The following FOXP4 variants were observed in gnomAD, a reference collection of about 807,000 sequenced individuals.
FOXP4 encodes the protein forkhead box protein P4.
In FOXP4, 25 loss-of-function variants were observed where a neutral mutation model predicts 82.6. The observed-to-expected ratio is 0.30, with a 90% CI of 0.22 to 0.42. FOXP4 has a LOEUF of 0.42. FOXP4 is among the 10% of genes least tolerant of loss of function. FOXP4 has a pLI of 1.00. For missense variants in FOXP4, 785 were observed against 900.9 expected (o/e 0.87, Z 1.65); for synonymous variants, 415 against 388.2 (o/e 1.07, Z -0.81).
At chr6:41,553,340 G>C (rs1764102851) in intron 1 of FOXP4, among the ~76,000 whole-genome samples, 1 of 152,154 alleles carries the variant, frequency 6.6e-6, no homozygotes, top group Admixed American at 6.5e-5. Context: ...AGAGCTCCGC[G>C]AGGTGAGGCG....
rs912060304 is a variant in FOXP4 at position 41,591,340 on chromosome 6, C to G, written c.1536+18C>G. 2 of 1,571,120 alleles carry G rather than the reference C, an allele frequency of 1.3e-6. No homozygotes were observed. The highest frequency in any genetic ancestry group is 4.6e-5 in the East Asian group (2 of 43,538). ...CCTGGAAGGTGAAGCAGGCCCCTTC[C>G]ACCTTCTGGGCCCCAGTCACCCTTG... is the stretch of plus-strand genomic sequence containing the variant. On this transcript the variant is annotated intron_variant, in intron 13 of 16. Transcript: ENST00000307972. This position sits in a 1 kb window ranked among gnomAD's most constrained non-coding sequence, Gnocchi z 4.2.
At chr6:41,587,755 A>G (rs1397953522) in intron 7 of FOXP4, 38 bp from the exon 8 acceptor site, 5 of 1,404,052 alleles carry the variant, frequency 3.6e-6, no homozygotes, top group Non-Finnish European at 4.9e-6. Flanking sequence ...TGGGGTCTTC[A>G]GGGTCCCTGA....
Position 41,599,390 on chromosome 6 carries a change from C to T in FOXP4, c.*454C>T, listed in dbSNP as rs9471607. The T allele has an allele frequency of 0.077, 12,218 of 159,290 alleles. 548 individuals carry two copies. The highest frequency in any genetic ancestry group is 0.097 in the Non-Finnish European group (6,977 of 71,618). The allele number at this position is 159,290 out of a possible 1,614,324, so 9.9% of individuals were successfully genotyped here. A position where few individuals can be genotyped will look rare whatever the true frequency, so the allele number is the denominator to read the frequency against. ...GCCCCCACTTTCCTAACTCGTGCTCCCTTCCGCCTTCTTTTCCGTACTGTG... is the reference window on the plus strand; with the variant it reads ...GCCCCCACTTTCCTAACTCGTGCTCTCTTCCGCCTTCTTTTCCGTACTGTG... On this transcript the variant is annotated 3_prime_UTR_variant, in exon 17 of 17. Coordinates refer to ENST00000307972, the MANE Select transcript of FOXP4 (RefSeq NM_001012426.2).
At chr6:41,577,579 C>T (rs951214345) in intron 2 of FOXP4, among the ~76,000 whole-genome samples, 2 of 152,192 alleles carry the variant, frequency 1.3e-5, no homozygotes, top group Non-Finnish European at 2.9e-5. Flanking sequence ...ACCTTACAGC[C>T]TTACAGAGGA....
intron 1 of FOXP4, among the ~76,000 whole-genome samples, chr6:41,556,058 G>C (rs554189091): frequency 6.6e-5 from 10 of 152,242 alleles, no homozygotes; most frequent in East Asian, 1.9e-4. Context: ...CCAGTAAAAG[G>C]TAAGGTGGAG....
At chr6:41,585,351 C>G in intron 4 of FOXP4, 80 bp from the exon 5 acceptor site, 1 of 1,421,372 alleles carries the variant, frequency 7.0e-7, no homozygotes, top group African/African-American at 1.4e-5. Flanking sequence ...TCTCCTGCCC[C>G]CAGGAGCCCA....
At chr6:41,561,305 C>T (rs1764565424) in intron 1 of FOXP4, among the ~76,000 whole-genome samples, 1 of 144,160 alleles carries the variant, frequency 6.9e-6, no homozygotes, top group Non-Finnish European at 1.5e-5. Flanking sequence ...CAAAATAACT[C>T]GGCCTCCGGT....
At chr6:41,555,998 T>C (rs1322766474) in intron 1 of FOXP4, among the ~76,000 whole-genome samples, 2 of 152,006 alleles carry the variant, frequency 1.3e-5, no homozygotes, top group Non-Finnish European at 2.9e-5. Context: ...GGAAGGGGTA[T>C]TGAGGGAGGC....
intron 3 of FOXP4, among the ~76,000 whole-genome samples, chr6:41,579,424 T>C (rs1187661425): frequency 6.6e-6 from 1 of 152,122 alleles, no homozygotes; most frequent in Non-Finnish European, 1.5e-5. Flanking sequence ...GGGCTTCCAC[T>C]CTGAATCCTG....
chr6:41,591,542 G>T lies in FOXP4; in HGVS notation c.1536+220G>T, dbSNP rs1766512842. Among the ~76,000 whole-genome samples the T allele has an allele frequency of 6.6e-6, 1 of 152,200 alleles. No homozygotes were observed. The highest frequency in any genetic ancestry group is 1.5e-5 in the Non-Finnish European group (1 of 68,038). On this transcript the variant is annotated intron_variant, in intron 13 of 16. Coordinates refer to ENST00000307972, the MANE Select transcript of FOXP4 (RefSeq NM_001012426.2). The surrounding 1 kb of genome is among the most constrained non-coding windows in gnomAD (Gnocchi z 4.2). ...GATCCCTTCCTTCCAGCCTGGTGCT[G>T]CCTCCTTTCTGGGAAGCAATCCTTC...
In FOXP4 at chr6:41,558,741, A is replaced by G. The variant is rs1349641929; in HGVS notation, c.-16-7004A>G. Among the ~76,000 whole-genome samples the G allele has an allele frequency of 6.6e-6, 1 of 152,194 alleles. No individual in the cohort carries two copies. The stretch of plus-strand genomic sequence containing the variant: ...CAGAAGCCAGTGGGCCTCTGGGGCC[A>G]GGGCTGAATGGGGGAGGCTGGTCCC... On this transcript the variant is annotated intron_variant, in intron 1 of 16. Transcript: ENST00000307972. This position sits in a 1 kb window ranked among gnomAD's most constrained non-coding sequence, Gnocchi z 4.0.
chr6:41,565,313 T>G (rs1408068716), intron 1 of FOXP4, among the ~76,000 whole-genome samples: 2 of 152,134 alleles, frequency 1.3e-5, no homozygotes, highest in Non-Finnish European at 2.9e-5. Flanking sequence ...TGAGCCGAGA[T>G]CGCACCACTG....
rs1428169378 is a variant in FOXP4, at chr6:41,598,873, C to T, written c.1980C>T (p.Ser660=). ...PGPPLGAPNP[S]ASGPPEDRDL... ...CTCCCCTGGGCGCCCCTAACCCCAG[C>T]GCCTCGGGGCCTCCGGAAGACAGGG... Residue 660 remains serine (S), a synonymous_variant, in exon 17 of 17, where the codon AGC becomes AGT. Transcript: ENST00000307972. 5.0e-6 allele frequency: 8 copies of T among 1,600,774 alleles called. No individual in the cohort carries two copies. Among genetic ancestry groups the T allele is most frequent in the South Asian group, 1.1e-5 (1 of 88,192 alleles).
chr6:41,590,042 A>C lies in FOXP4; in HGVS notation c.1229A>C (p.His410Pro). Residue 410 changes from histidine (H) to proline (P), a missense_variant, in exon 11 of 17, where the codon CAC becomes CCC. By Grantham distance (77) the His-to-Pro change is moderately conservative. This residue lies in a region of FOXP4 where 570 missense variants were observed against 634.0 expected (regional missense o/e 0.90). Transcript: ENST00000307972. Reference sequence around the variant, plus strand: ...GACTCATTCCCAGATGGTCTCGTGCACCCCCCGACCTCGGCCGCAGCCCCT... The same window carrying C: ...GACTCATTCCCAGATGGTCTCGTGCCCCCCCCGACCTCGGCCGCAGCCCCT... ...AADSFPDGLV[H>P]PPTSAAAPVT... is the part of the protein sequence containing the mutation. The C allele has an allele frequency of 6.2e-7, 1 of 1,613,320 alleles. No individual in the cohort carries two copies. The highest frequency in any genetic ancestry group is 8.5e-7 in the Non-Finnish European group (1 of 1,179,894).
chr6:41,566,202 G>A (rs55856519), intron 2 of FOXP4, among the ~76,000 whole-genome samples: 13,414 of 152,222 alleles, frequency 0.088, 738 homozygotes, highest in South Asian at 0.26. Context: ...CTGAGATCAT[G>A]AAGCTTGAAA....
intron 1 of FOXP4, among the ~76,000 whole-genome samples, chr6:41,553,369 G>T (rs1764104359): frequency 6.6e-6 from 1 of 152,174 alleles, no homozygotes; most frequent in Non-Finnish European, 1.5e-5. Context: ...CTTGGCCCTT[G>T]TGTGCCGCCA....
At chr6:41,550,580 C>T (rs1466505189) in intron 1 of FOXP4, among the ~76,000 whole-genome samples, 7 of 152,228 alleles carry the variant, frequency 4.6e-5, no homozygotes, top group African/African-American at 7.2e-5. Context: ...AGGGCTTGAG[C>T]GTGTGCTGTG....
At chr6:41,569,453 C>T (rs1765061240) in intron 2 of FOXP4, among the ~76,000 whole-genome samples, 1 of 152,236 alleles carries the variant, frequency 6.6e-6, no homozygotes, top group Non-Finnish European at 1.5e-5. Flanking sequence ...TTATTCTAAT[C>T]TGATTTCACT....
chr6:41,557,518 A>T (rs1162673014), intron 1 of FOXP4, among the ~76,000 whole-genome samples: 1 of 152,232 alleles, frequency 6.6e-6, no homozygotes, highest in East Asian at 1.9e-4. Context: ...GGATTGGCTC[A>T]ATACATTCTG....
Sources: gnomAD v4.1 joint callset for allele counts (sites outside exome capture counted in the v4.1 genomes callset) on GRCh38, gnomAD v4.1.1 for gene constraint, gnomAD v4.1.1 regional missense constraint, Gnocchi (gnomAD v3.1) non-coding constraint, MANE v1.5 for transcripts, NCBI Gene and HGNC (gene_info 2026-07-23, HGNC 2026-07-21) for gene names.